The following ZRANB3 variants were observed in gnomAD, a reference collection of about 807,000 sequenced individuals.
ZRANB3 encodes the protein DNA annealing helicase and endonuclease ZRANB3.
A neutral mutation model predicts 133.8 loss-of-function variants in ZRANB3; 125 were observed. The ratio of observed to expected loss-of-function variants is 0.93; its 90% CI spans 0.81 to 1.08. The LOEUF (loss-of-function observed/expected upper bound fraction) is 1.08. Among genes scored for constraint, ZRANB3 ranks in the 50% least tolerant of loss-of-function variants. The pLI is 0.00. For synonymous variants in ZRANB3, 387 were observed against 432.7 expected (o/e 0.89, Z 1.31); for missense variants, 1,229 against 1,275.5 (o/e 0.96, Z 0.56).
chr2:135,418,731 C>T (rs1688698420), intron 2 of ZRANB3, among the ~76,000 whole-genome samples: 1 of 151,724 alleles, frequency 6.6e-6, no homozygotes, highest in Non-Finnish European at 1.5e-5. Context: ...GGAGGAGGTA[C>T]TAGGAAAAGA....
At chr2:135,226,459 T>G (rs926982591) in intron 14 of ZRANB3, among the ~76,000 whole-genome samples, 1 of 152,218 alleles carries the variant, frequency 6.6e-6, no homozygotes, top group African/African-American at 2.4e-5. Context: ...ATACCTCTTA[T>G]GTGGAATTCT....
At chr2:135,377,772 C>G (rs1445640718) in intron 3 of ZRANB3, among the ~76,000 whole-genome samples, 1 of 152,186 alleles carries the variant, frequency 6.6e-6, no homozygotes, top group Non-Finnish European at 1.5e-5. Context: ...TCAGTGTCAA[C>G]TTCATTGGAC....
intron 2 of ZRANB3, among the ~76,000 whole-genome samples, chr2:135,407,444 A>C (rs1342941000): frequency 3.3e-5 from 5 of 151,200 alleles, no homozygotes; most frequent in African/African-American, 1.2e-4. Flanking sequence ...GCTACCAATG[A>C]CTTTCTTCAC....
intron 2 of ZRANB3, among the ~76,000 whole-genome samples, chr2:135,431,007 G>C (rs575723470): frequency 1.4e-4 from 21 of 151,978 alleles, no homozygotes; most frequent in African/African-American, 4.8e-4. Flanking sequence ...TGAATCAACG[G>C]CTCATGCCTA....
Position 135,197,053 on chromosome 2 carries a change from T to A in ZRANB3, c.*3289A>T, listed in dbSNP as rs966623183. The A allele has an allele frequency of 1.3e-5, 2 of 152,164 alleles. No homozygotes were observed. The highest frequency in any genetic ancestry group is 4.8e-5 in the African/African-American group (2 of 41,420). 9.4% of individuals were successfully genotyped at this position (152,164 alleles called of 1,614,324 possible). On this transcript the variant is annotated 3_prime_UTR_variant, in exon 21 of 21. Coordinates refer to ENST00000264159, the MANE Select transcript of ZRANB3 (RefSeq NM_032143.4). ...ACAACCAGGGTGGCAAAAACACCCTTAACGATATAAAGCAACTGACAAACT... is the reference window on the plus strand; with the variant it reads ...ACAACCAGGGTGGCAAAAACACCCTAAACGATATAAAGCAACTGACAAACT...
chr2:135,376,976 G>C (rs1686457374), intron 3 of ZRANB3, among the ~76,000 whole-genome samples: 1 of 152,204 alleles, frequency 6.6e-6, no homozygotes, highest in Non-Finnish European at 1.5e-5. Flanking sequence ...AGTAACATTG[G>C]AAATGAATGG....
chr2:135,376,645 GA>G (rs1686443654), intron 3 of ZRANB3, among the ~76,000 whole-genome samples: 1 of 152,156 alleles, frequency 6.6e-6, no homozygotes, highest in Non-Finnish European at 1.5e-5. Flanking sequence ...GCAAAACTAT[GA>G]AATTGTTAAA....
chr2:135,405,590 T>C (rs1328277243), intron 2 of ZRANB3, among the ~76,000 whole-genome samples: 2 of 152,122 alleles, frequency 1.3e-5, no homozygotes, highest in Non-Finnish European at 2.9e-5. Flanking sequence ...CCTCAACAAA[T>C]GTAAAAGAAC....
At chr2:135,485,858 A>C (rs1692094378) in intron 2 of ZRANB3, among the ~76,000 whole-genome samples, 1 of 152,242 alleles carries the variant, frequency 6.6e-6, no homozygotes, top group Admixed American at 6.5e-5. Flanking sequence ...AGAGAGTTGT[A>C]ATCTTTTTGG....
rs1693686340 is a variant in ZRANB3 at position 135,203,001 on chromosome 2, T to C, written c.3010-38A>G. On this transcript the variant is annotated intron_variant, in intron 19 of 20. Coordinates refer to ENST00000264159, the MANE Select transcript of ZRANB3 (RefSeq NM_032143.4). ...TACAAGATCAGCAATTTTCAACATA[T>C]ACTGCAAGAAGTGTTTGTTGGTTTT... 2.5e-6 allele frequency: 4 copies of C among 1,599,274 alleles called. No homozygotes were observed. The Middle Eastern group carries it at 5.0e-4, about 199-fold the overall frequency.
chr2:135,276,368 G>A (rs926990362), intron 8 of ZRANB3, among the ~76,000 whole-genome samples: 3 of 151,992 alleles, frequency 2.0e-5, no homozygotes, highest in Non-Finnish European at 2.9e-5. Context: ...TCCAGAAGAG[G>A]CTGGAGTGAT....
chr2:135,369,299 C>T (rs1686067890), intron 3 of ZRANB3, among the ~76,000 whole-genome samples: 1 of 151,748 alleles, frequency 6.6e-6, no homozygotes, highest in South Asian at 2.1e-4. Context: ...TTCCTATGGG[C>T]TTAAATATAT....
chr2:135,387,274 G>A (rs1687026091), intron 3 of ZRANB3, among the ~76,000 whole-genome samples: 1 of 152,142 alleles, frequency 6.6e-6, no homozygotes, highest in African/African-American at 2.4e-5. Context: ...TCAAAAAGTG[G>A]TTGACCTTTA....
At chr2:135,529,739 T>C (rs1234200139) in intron 1 of ZRANB3, among the ~76,000 whole-genome samples, 1 of 151,540 alleles carries the variant, frequency 6.6e-6, no homozygotes, top group African/African-American at 2.4e-5. Flanking sequence ...GGTCTCGAAC[T>C]CCTGACCTCA....
In ZRANB3 at chr2:135,207,750, T is replaced by G; in HGVS notation, c.2693A>C (p.Lys898Thr). 6.2e-7 allele frequency: 1 copy of G among 1,613,998 alleles called. No individual in the cohort carries two copies. ...ATTATCCACAGCTTGCAAATAGCCT[T>G]TGGATGTAGAGGGCTTCACAGTGAG... The part of the protein sequence containing the change: ...ADLTVKPSTS[K>T]GYLQAVDNEG... Residue 898 changes from lysine (K) to threonine (T), a missense_variant, in exon 19 of 21, where the codon AAA (lysine) becomes ACA (threonine). By Grantham distance (78) the Lys-to-Thr change is moderately conservative. Coordinates refer to ENST00000264159, the MANE Select transcript of ZRANB3 (RefSeq NM_032143.4).
At chr2:135,325,107 T>C (rs570002933) in intron 6 of ZRANB3, among the ~76,000 whole-genome samples, 4 of 152,198 alleles carry the variant, frequency 2.6e-5, no homozygotes, top group Non-Finnish European at 5.9e-5. Context: ...GCAATCTGTA[T>C]CAAAATTCCA....
At chr2:135,274,773 C>T (rs1414337844) in intron 9 of ZRANB3, among the ~76,000 whole-genome samples, 1 of 152,030 alleles carries the variant, frequency 6.6e-6, no homozygotes, top group Non-Finnish European at 1.5e-5. Context: ...GACCCTGCGG[C>T]CTTCCGCAGT....
intron 6 of ZRANB3, among the ~76,000 whole-genome samples, chr2:135,339,355 G>A (rs1350343837): frequency 6.6e-6 from 1 of 152,056 alleles, no homozygotes; most frequent in Non-Finnish European, 1.5e-5. Flanking sequence ...AGGTTGCAGT[G>A]AGCGTGCCAC....
rs188002980 is a variant in ZRANB3, at chr2:135,313,626, C to T, written c.850-21G>A. On this transcript the variant is annotated intron_variant, in intron 7 of 20. Coordinates refer to ENST00000264159, the MANE Select transcript of ZRANB3 (RefSeq NM_032143.4). ...AATTCCTATGTGGGAAAAAATAACACTGTTTATGAATATAGCATAACGAAC... is the reference window on the plus strand; with the variant it reads ...AATTCCTATGTGGGAAAAAATAACATTGTTTATGAATATAGCATAACGAAC... 65 of 1,488,878 alleles carry T rather than the reference C, an allele frequency of 4.4e-5. No homozygotes were observed. In the Admixed American group the frequency reaches 1.1e-3, roughly 25 times the overall value. The allele number at this position is 1,488,878 out of a possible 1,614,324, so 92.2% of individuals were successfully genotyped here.
Sources: allele counts gnomAD v4.1 joint callset (sites outside exome capture counted in the v4.1 genomes callset), GRCh38; gene constraint gnomAD v4.1.1; transcripts MANE v1.5; gene names NCBI Gene and HGNC (gene_info 2026-07-23, HGNC 2026-07-21).